PIGL: variants seen among roughly 807,000 people sequenced by gnomAD.
PIGL encodes phosphatidylinositol glycan anchor biosynthesis class L.
Under a neutral mutation model 31.1 loss-of-function variants are expected in PIGL, and 22 were observed. The ratio of observed to expected loss-of-function variants is 0.71; its 90% CI spans 0.51 to 1.01. PIGL has a LOEUF of 1.01. Ranked by LOEUF, PIGL falls within the 50% of genes least tolerant of loss-of-function variation. PIGL has a pLI of 0.00. For missense variants in PIGL, 302 were observed against 315.9 expected (o/e 0.96, Z 0.33); for synonymous variants, 131 against 117.4 (o/e 1.12, Z -0.75).
At chr17:16,223,437 T>A (rs1180820297) in intron 1 of PIGL, among the ~76,000 whole-genome samples, 3 of 150,868 alleles carry the variant, frequency 2.0e-5, no homozygotes, top group Admixed American at 2.0e-4. Context: ...ATTAGCCGGG[T>A]GTGGTGGTGG....
intron 2 of PIGL, among the ~76,000 whole-genome samples, chr17:16,294,790 TC>T (rs1158460726): frequency 2.6e-5 from 4 of 152,144 alleles, no homozygotes; most frequent in African/African-American, 9.7e-5. Context: ...TCCCCCATCC[TC>T]CACCCTAAGT....
chr17:16,296,942 A>C (rs988399200), intron 2 of PIGL, among the ~76,000 whole-genome samples: 1 of 151,754 alleles, frequency 6.6e-6, no homozygotes, highest in Non-Finnish European at 1.5e-5. Flanking sequence ...GGATGGTCTC[A>C]ATCTCCTGAC....
At chr17:16,243,155 A>G (rs2092730237) in intron 2 of PIGL, among the ~76,000 whole-genome samples, 2 of 152,060 alleles carry the variant, frequency 1.3e-5, no homozygotes. Context: ...GGTTCAAGCA[A>G]TTCTCCTGCC....
intron 1 of PIGL, chr17:16,218,250 C>T (rs1485543782): frequency 6.6e-6 from 1 of 152,010 alleles, no homozygotes; most frequent in Non-Finnish European, 1.5e-5. Context: ...TGTGTCTTTC[C>T]AATTCTTTTT....
intron 1 of PIGL, among the ~76,000 whole-genome samples, chr17:16,220,546 T>C (rs2092623623): frequency 7.0e-6 from 1 of 142,016 alleles, no homozygotes; most frequent in South Asian, 2.3e-4. Context: ...TAGAGTGCAG[T>C]GGTTCGATCT....
At position 16,325,846 on chromosome 17, in the gene PIGL, T is replaced by C. The variant is rs1382093236; in HGVS notation, c.707T>C (p.Leu236Pro). Residue 236 changes from leucine (L) to proline (P), a missense_variant, in exon 7 of 7, where the codon CTC (leucine) becomes CCC (proline). Coordinates refer to ENST00000225609, the MANE Select transcript of PIGL (RefSeq NM_004278.4). ...AGCCAGCTCCTCTGGTTCCGCCGCC[T>C]CTACATTATCTTCTCCCGGTACATG... ...HRSQLLWFRRLYIIFSRYMRI... is the reference protein window; with the variant it reads ...HRSQLLWFRRPYIIFSRYMRI... 1 of 1,614,048 alleles carries C rather than the reference T, an allele frequency of 6.2e-7. No homozygotes were observed. The highest frequency in any genetic ancestry group is 1.1e-5 in the South Asian group (1 of 91,080).
Position 16,322,529 on chromosome 17 carries a change from A to T in PIGL, c.661-3271A>T, listed in dbSNP as rs553791084. On this transcript the variant is annotated intron_variant, in intron 6 of 6. Coordinates refer to ENST00000225609, the MANE Select transcript of PIGL (RefSeq NM_004278.4). ...CTACACATGATAAGTTTTGATATGT[A>T]GTTCTCCTATTGTCATTTAATTATA... Among the ~76,000 whole-genome samples, 55 of 152,330 alleles carry T rather than the reference A, an allele frequency of 3.6e-4. No homozygotes were observed. The South Asian group carries it at 0.011, about 30-fold the overall frequency.
chr17:16,251,542 C>T (rs922202886), intron 2 of PIGL, among the ~76,000 whole-genome samples: 4 of 151,838 alleles, frequency 2.6e-5, no homozygotes, highest in African/African-American at 9.7e-5. Flanking sequence ...CAGAGGAGCT[C>T]ACCCAAGTAA....
chr17:16,236,330 CT>C (rs1162486625), intron 2 of PIGL, among the ~76,000 whole-genome samples: 1 of 152,070 alleles, frequency 6.6e-6, no homozygotes, highest in Non-Finnish European at 1.5e-5. Flanking sequence ...ACTAAATTGT[CT>C]TATGTTTGGC....
intron 2 of PIGL, among the ~76,000 whole-genome samples, chr17:16,277,853 T>C (rs938911739): frequency 6.6e-6 from 1 of 152,200 alleles, no homozygotes; most frequent in African/African-American, 2.4e-5. Flanking sequence ...ACAATTATAA[T>C]GATTAACAAC....
At chr17:16,257,909 A>T (rs1404397711) in intron 2 of PIGL, among the ~76,000 whole-genome samples, 3 of 151,818 alleles carry the variant, frequency 2.0e-5, no homozygotes, top group Admixed American at 6.6e-5. Context: ...TACTAAAAAT[A>T]CAAATTAACT....
chr17:16,253,986 TCTCTC>T (rs2092783198), intron 2 of PIGL, among the ~76,000 whole-genome samples: 1 of 151,884 alleles, frequency 6.6e-6, no homozygotes, highest in African/African-American at 2.4e-5. Context: ...CCAATCTATG[TCTCTC>T]CTCTCCATCT....
intron 2 of PIGL, among the ~76,000 whole-genome samples, chr17:16,245,817 TA>T (rs1456378366): frequency 2.3e-4 from 22 of 96,486 alleles, no homozygotes; most frequent in African/African-American, 1.2e-3. Flanking sequence ...TATATATATA[TA>T]TATTTTTTTT....
At chr17:16,278,801 T>C (rs2092906028) in intron 2 of PIGL, among the ~76,000 whole-genome samples, 2 of 152,234 alleles carry the variant, frequency 1.3e-5, no homozygotes, top group African/African-American at 4.8e-5. Flanking sequence ...ACTGATTTAC[T>C]TAAGTCTCAT....
intron 1 of PIGL, 74 bp from the exon 2 acceptor site, chr17:16,233,897 A>T: frequency 2.7e-6 from 2 of 754,174 alleles, no homozygotes; most frequent in Non-Finnish European, 4.6e-6. Flanking sequence ...CAAAAACAGG[A>T]TAAGAATGAG....
intron 2 of PIGL, among the ~76,000 whole-genome samples, chr17:16,273,797 T>C (rs2092882289): frequency 6.6e-6 from 1 of 152,234 alleles, no homozygotes; most frequent in African/African-American, 2.4e-5. Flanking sequence ...TCATCCCTGT[T>C]AGTCTGGACA....
intron 2 of PIGL, among the ~76,000 whole-genome samples, chr17:16,251,458 G>T (rs1251635265): frequency 6.6e-6 from 1 of 150,946 alleles, no homozygotes; most frequent in Non-Finnish European, 1.5e-5. Context: ...GGGTTTATGA[G>T]TACATTTAAT....
At chr17:16,317,978 C>G in intron 6 of PIGL, 70 bp downstream of exon 6, 2 of 1,355,458 alleles carry the variant, frequency 1.5e-6, no homozygotes, top group African/African-American at 1.4e-5. Flanking sequence ...CTCAAAGCCC[C>G]ACCTCTGCAG....
intron 2 of PIGL, among the ~76,000 whole-genome samples, chr17:16,270,886 G>A (rs1361184668): frequency 8.8e-6 from 1 of 113,934 alleles, no homozygotes; most frequent in Non-Finnish European, 1.9e-5. Flanking sequence ...GAGCGAGACT[G>A]TCTCAAAAAA....
Sources: allele counts gnomAD v4.1 joint callset (sites outside exome capture counted in the v4.1 genomes callset), GRCh38; gene constraint gnomAD v4.1.1; transcripts MANE v1.5; gene names NCBI Gene and HGNC (gene_info 2026-07-23, HGNC 2026-07-21).